HSD3B1: variants seen among roughly 807,000 people sequenced by gnomAD.
HSD3B1 encodes 3 beta-hydroxysteroid dehydrogenase/Delta 5-->4-isomerase type 1.
A neutral mutation model predicts 10.4 loss-of-function variants in HSD3B1; 11 were observed. The observed-to-expected ratio is 1.05, with a 90% confidence interval of 0.66 to 1.75. The LOEUF is 1.75. Among genes scored for constraint, HSD3B1 ranks in the 40% most tolerant of loss-of-function variants. The pLI is 0.00. For missense variants in HSD3B1, 490 were observed against 454.5 expected, an observed-to-expected ratio of 1.08 and a Z score of -0.71; for synonymous variants, 217 against 185.4, an observed-to-expected ratio of 1.17 and a Z score of -1.39.
rs768031277 is a variant in HSD3B1 at position 119,507,670 on chromosome 1, T to C, written c.145+49T>C. On this transcript the variant is annotated intron_variant, in intron 2 of 3. Coordinates refer to ENST00000369413, the MANE Select transcript of HSD3B1 (RefSeq NM_000862.3). The stretch of plus-strand genomic sequence containing the variant: ...GTGTGGTTCCATCTTAAACACTGCA[T>C]GTATGTGGGGGGAGATGGACCTTGT... 3 of 1,588,306 alleles carry C rather than the reference T, an allele frequency of 1.9e-6. No homozygotes were observed. The East Asian group carries it at 6.7e-5, about 35-fold the overall frequency.
Position 119,514,736 on chromosome 1 carries a change from A to G in HSD3B1, c.*91A>G. ...GCCTCATACAGAAAGTGACAAGGGC[A>G]CAAGCTCAGGTCCTGCTGCCTCCCT... On this transcript the variant is annotated 3_prime_UTR_variant, in exon 4 of 4. Coordinates refer to ENST00000369413, the MANE Select transcript of HSD3B1 (RefSeq NM_000862.3). The G allele has an allele frequency of 2.8e-6, 4 of 1,422,238 alleles. No homozygotes were observed. The highest frequency in any genetic ancestry group is 2.4e-4 in the Middle Eastern group (1 of 4,136). The allele number at this position is 1,422,238 out of a possible 1,614,324, so 88.1% of individuals were successfully genotyped here.
In HSD3B1 at chr1:119,511,713, A is replaced by T. The variant is rs1456123391; in HGVS notation, c.310+46A>T. The T allele has an allele frequency of 1.9e-6, 3 of 1,582,254 alleles. No individual in the cohort carries two copies. In the South Asian group the frequency reaches 3.3e-5, roughly 18 times the overall value. ...GATGCAGCAAGGTGGGGAATTAAGGATCACAAAGAAGGGCAGGAAGGGAAG... is the reference window on the plus strand; with the variant it reads ...GATGCAGCAAGGTGGGGAATTAAGGTTCACAAAGAAGGGCAGGAAGGGAAG... On this transcript the variant is annotated intron_variant, in intron 3 of 3. Coordinates refer to ENST00000369413, the MANE Select transcript of HSD3B1 (RefSeq NM_000862.3).
At chr1:119,507,660 A>G in intron 2 of HSD3B1, 39 bp downstream of exon 2, 1 of 1,606,380 alleles carries the variant, frequency 6.2e-7, no homozygotes, top group South Asian at 1.1e-5. Context: ...GTTCCATCTT[A>G]AACACTGCAT....
At position 119,514,814 on chromosome 1, in the gene HSD3B1, T is replaced by A; in HGVS notation, c.*169T>A. On this transcript the variant is annotated 3_prime_UTR_variant, in exon 4 of 4. Coordinates refer to ENST00000369413, the MANE Select transcript of HSD3B1 (RefSeq NM_000862.3). ...CCTCATGTCATCAAAACCTGCGCAG[T>A]CATTGGCCCAACAAGAAGGTTTCTG... is the stretch of plus-strand genomic sequence containing the variant. 1 of 719,772 alleles carries A rather than the reference T, an allele frequency of 1.4e-6. No homozygotes were observed. The highest frequency in any genetic ancestry group is 2.4e-6 in the Non-Finnish European group (1 of 421,426). The allele number at this position is 719,772 out of a possible 1,614,324, so 44.6% of individuals were successfully genotyped here.
chr1:119,511,698 G>A (rs1653944686), intron 3 of HSD3B1, 31 bp downstream of exon 3: 1 of 1,605,004 alleles, frequency 6.2e-7, no homozygotes, highest in Non-Finnish European at 8.5e-7. Flanking sequence ...GATGCAGCAA[G>A]GTGGGGAATT....
chr1:119,511,104 C>T (rs1653923810), intron 2 of HSD3B1, among the ~76,000 whole-genome samples: 4 of 151,986 alleles, frequency 2.6e-5, no homozygotes, highest in Non-Finnish European at 5.9e-5. Context: ...ATGCTGGAGT[C>T]CCAAAATTAT....
In HSD3B1 at chr1:119,514,339, G is replaced by C; in HGVS notation, c.816G>C (p.Leu272=). 6.2e-7 allele frequency: 1 copy of C among 1,614,072 alleles called. No homozygotes were observed. Among genetic ancestry groups the C allele is most frequent in the Non-Finnish European group, 8.5e-7 (1 of 1,180,006 alleles). Residue 272 remains leucine, a synonymous_variant, in exon 4 of 4, where the codon CTG becomes CTC. Coordinates refer to ENST00000369413, the MANE Select transcript of HSD3B1 (RefSeq NM_000862.3). ...GCTATGATAACCTTAATTACACCCT[G>C]AGCAAAGAGTTCGGCCTCCGCCTTG... ...HQSYDNLNYT[L]SKEFGLRLDS...
chr1:119,513,474 T>C lies in HSD3B1; in HGVS notation c.311-360T>C, dbSNP rs112433795. Among the ~76,000 whole-genome samples the C allele has an allele frequency of 5.1e-4, 77 of 152,260 alleles. 1 individual carries two copies. The highest frequency in any genetic ancestry group is 1.8e-3 in the African/African-American group (76 of 41,548). The stretch of plus-strand genomic sequence containing the variant: ...TCCTGATTTTTTAGATTTTAAATGA[T>C]CTGACTTTAATGGTACTGATTACAA... On this transcript the variant is annotated intron_variant, in intron 3 of 3. Coordinates refer to ENST00000369413, the MANE Select transcript of HSD3B1 (RefSeq NM_000862.3).
chr1:119,508,786 G>C (rs1383653128), intron 2 of HSD3B1, among the ~76,000 whole-genome samples: 1 of 152,170 alleles, frequency 6.6e-6, no homozygotes, highest in Non-Finnish European at 1.5e-5. Flanking sequence ...TCCCCCACTT[G>C]ACAGCACTCA....
At chr1:119,510,722 T>TTTC (rs1653911223) in intron 2 of HSD3B1, among the ~76,000 whole-genome samples, 1 of 60,920 alleles carries the variant, frequency 1.6e-5, no homozygotes, top group African/African-American at 1.4e-4. Flanking sequence ...GTTTTCTTTT[T>TTTC]TTTTTTTTTT....
chr1:119,507,681 G>A, intron 2 of HSD3B1, 60 bp downstream of exon 2: 1 of 1,542,652 alleles, frequency 6.5e-7, no homozygotes, highest in Non-Finnish European at 9.0e-7. Context: ...GTATGTGGGG[G>A]GAGATGGACC....
At chr1:119,511,765 G>A (rs1463491710) in intron 3 of HSD3B1, 98 bp downstream of exon 3, 3 of 1,202,776 alleles carry the variant, frequency 2.5e-6, no homozygotes, top group African/African-American at 3.0e-5. Context: ...AACACCTGCT[G>A]TGCTCTGGGC....
chr1:119,508,156 G>GGGGGAGAGAGAGTCGGGGAGAGAGAGTC (rs201834332), intron 2 of HSD3B1: 3 of 153,806 alleles, frequency 2.0e-5, no homozygotes, highest in Admixed American at 6.3e-5. Flanking sequence ...AAAACAATAA[G>GGGGGAGAGAGAGTCGGGGAGAGAGAGTC]GGGGAGAGAG....
chr1:119,511,533 T>C lies in HSD3B1; in HGVS notation c.176T>C (p.Leu59Pro), dbSNP rs1188913440. 6.2e-7 allele frequency: 1 copy of C among 1,613,788 alleles called. No homozygotes were observed. Among genetic ancestry groups the C allele is most frequent in the South Asian group, 1.1e-5 (1 of 91,066 alleles). ...KLQNKTKLTV[L>P]EGDILDEPFL... ...CAGAACAAGACCAAGCTGACAGTGC[T>C]GGAAGGAGACATTCTGGATGAGCCA... The change falls in exon 3 of 4, where the codon CTG (leucine) becomes CCG (proline). Residue 59 changes from leucine to proline, a missense_variant. Coordinates refer to ENST00000369413, the MANE Select transcript of HSD3B1 (RefSeq NM_000862.3).
At position 119,513,836 on chromosome 1, in the gene HSD3B1, A is replaced by G; in HGVS notation, c.313A>G (p.Thr105Ala). 1 of 1,613,386 alleles carries G rather than the reference A, an allele frequency of 6.2e-7. No individual in the cohort carries two copies. Among genetic ancestry groups the G allele is most frequent in the Non-Finnish European group, 8.5e-7 (1 of 1,179,566 alleles). The change falls in exon 4 of 4, where the codon ACC (threonine) becomes GCC (alanine). Residue 105 changes from threonine to alanine, a missense_variant and splice_region_variant. Coordinates refer to ENST00000369413, the MANE Select transcript of HSD3B1 (RefSeq NM_000862.3). Reference sequence around the variant, plus strand: ...GACAATATGCTCTTCATGGACAGGTACCCAGCTCCTGTTAGAGGCCTGTGT... The same window carrying G: ...GACAATATGCTCTTCATGGACAGGTGCCCAGCTCCTGTTAGAGGCCTGTGT... ...ESIMNVNVKG[T>A]QLLLEACVQA...
At chr1:119,507,926 A>C in intron 2 of HSD3B1, 2 of 304,248 alleles carry the variant, frequency 6.6e-6, no homozygotes, top group South Asian at 3.5e-5. Context: ...CTTGTCTGCA[A>C]CTCTTTTATG....
chr1:119,514,062 T>G lies in HSD3B1; in HGVS notation c.539T>G (p.Leu180Arg), dbSNP rs924253934. The change falls in exon 4 of 4, where the codon CTG (leucine) becomes CGG (arginine). Residue 180 changes from leucine to arginine, a missense_variant. Leu to Arg is a moderately radical substitution (Grantham distance 102, BLOSUM62 -2). Transcript: ENST00000369413. ...TGGAATCTGAAAAACGGCGGCACCC[T>G]GTACACTTGTGCCTTACGACCCATG... ...NGWNLKNGGT[L>R]YTCALRPMYI... is the part of the protein sequence containing the mutation. 1.2e-6 allele frequency: 2 copies of G among 1,614,148 alleles called. No homozygotes were observed. Among genetic ancestry groups the G allele is most frequent in the Middle Eastern group, 1.6e-4 (1 of 6,062 alleles).
rs587687943 is a variant in HSD3B1, at chr1:119,511,316, T to C, written c.146-187T>C. On this transcript the variant is annotated intron_variant, in intron 2 of 3. Coordinates refer to ENST00000369413, the MANE Select transcript of HSD3B1 (RefSeq NM_000862.3). ...TGGGAGAGAAACAGATGTTTGCTCT[T>C]TCCAAGAAATTGATACACATGCTGA... Among the ~76,000 whole-genome samples, 319 of 152,356 alleles carry C rather than the reference T, an allele frequency of 2.1e-3. 1 individual carries two copies. The highest frequency in any genetic ancestry group is 3.4e-3 in the Non-Finnish European group (231 of 68,032).
chr1:119,513,514 A>G (rs1466292229), intron 3 of HSD3B1, among the ~76,000 whole-genome samples: 1 of 152,094 alleles, frequency 6.6e-6, no homozygotes, highest in Non-Finnish European at 1.5e-5. Flanking sequence ...TAATTTGTCA[A>G]TACCCTTACT....
Sources: allele counts gnomAD v4.1 joint callset (sites outside exome capture counted in the v4.1 genomes callset), GRCh38; gene constraint gnomAD v4.1.1; transcripts MANE v1.5; gene names NCBI Gene and HGNC (gene_info 2026-07-23, HGNC 2026-07-21).